Variants in LRRK1 observed in about 807,000 individuals in gnomAD.
LRRK1 encodes leucine rich repeat kinase 1.
In LRRK1, 113 loss-of-function variants were observed where a neutral mutation model predicts 209.1. The observed-to-expected ratio is 0.54, with a 90% CI of 0.46 to 0.63. LRRK1 has a LOEUF of 0.63. LRRK1 is among the 30% of genes least tolerant of loss of function. LRRK1 has a pLI of 0.00. For missense variants in LRRK1, 2,284 were observed against 2,632.2 expected (o/e 0.87, Z 2.89); for synonymous variants, 1,144 against 1,099.7 (o/e 1.04, Z -0.80).
chr15:100,983,061 G>A (rs2031689905), intron 3 of LRRK1, among the ~76,000 whole-genome samples: 1 of 152,200 alleles, frequency 6.6e-6, no homozygotes, highest in Non-Finnish European at 1.5e-5. Flanking sequence ...TGCAGTCCCA[G>A]CTACGCAGGA....
At chr15:101,028,902 T>G (rs2034157679) in intron 19 of LRRK1, 54 bp from the exon 20 acceptor site, 2 of 1,577,602 alleles carry the variant, frequency 1.3e-6, no homozygotes, top group African/African-American at 2.7e-5. Context: ...CACCCCAGAG[T>G]CCCTTTCGCT....
chr15:101,010,424 C>T (rs748526979), intron 7 of LRRK1, 26 bp from the exon 8 acceptor site: 5 of 1,594,078 alleles, frequency 3.1e-6, no homozygotes, highest in South Asian at 2.3e-5. Flanking sequence ...TATTCTGATG[C>T]CTGCCTTCCT....
intron 12 of LRRK1, among the ~76,000 whole-genome samples, chr15:101,019,995 G>C (rs1413743002): frequency 6.6e-6 from 1 of 152,198 alleles, no homozygotes; most frequent in Non-Finnish European, 1.5e-5. Context: ...ATACTAAACA[G>C]TTGGCTGGCT....
At chr15:100,923,364 C>T (rs1309898095) in intron 1 of LRRK1, among the ~76,000 whole-genome samples, 1 of 152,208 alleles carries the variant, frequency 6.6e-6, no homozygotes, top group Non-Finnish European at 1.5e-5. Flanking sequence ...TACAGATTCT[C>T]TTAGGCATTA....
In LRRK1 at chr15:100,968,786, T is replaced by TCCTTCCCCTTCC. The variant is rs527686938; in HGVS notation, c.98-4998_98-4987dup. On this transcript the variant is annotated intron_variant, in intron 2 of 33. Coordinates refer to ENST00000388948, the MANE Select transcript of LRRK1 (RefSeq NM_024652.6). ...CTTCCCTTCCCCTTTCCTTCCCCTTTCCTTCCCCTTCCCCTTCCCCTTCCC... is the reference window on the plus strand; with the variant it reads ...CTTCCCTTCCCCTTTCCTTCCCCTTTCCTTCCCCTTCCCCTTCCCCTTCCCCTTCCCCTTCCC... 2.8e-3 allele frequency among the ~76,000 whole-genome samples: 402 copies of TCCTTCCCCTTCC among 143,796 alleles called. 5 individuals are homozygous for TCCTTCCCCTTCC. Among genetic ancestry groups the TCCTTCCCCTTCC allele is most frequent in the African/African-American group, 8.3e-3 (312 of 37,582 alleles). The allele number at this position is 143,796 out of a possible 152,430, so 94.3% of individuals were successfully genotyped here. A position where few individuals can be genotyped will look rare whatever the true frequency, so the allele number is the denominator to read the frequency against.
In LRRK1 at chr15:101,039,864, G is replaced by C. The variant is rs2034664806; in HGVS notation, c.2964-6117G>C. 2.0e-5 allele frequency among the ~76,000 whole-genome samples: 3 copies of C among 152,104 alleles called. No homozygotes were observed. In the South Asian group the frequency reaches 6.2e-4, roughly 31 times the overall value. Reference sequence around the variant, plus strand: ...AATTTTTTTCTTCAGTTATTTTTCTGTTAAATATGTTGATGGATTTTCAAA... The same window carrying C: ...AATTTTTTTCTTCAGTTATTTTTCTCTTAAATATGTTGATGGATTTTCAAA... On this transcript the variant is annotated intron_variant, in intron 20 of 33. Coordinates refer to ENST00000388948, the MANE Select transcript of LRRK1 (RefSeq NM_024652.6).
chr15:101,046,823 G>A (rs1451667119), intron 21 of LRRK1, among the ~76,000 whole-genome samples: 5 of 152,236 alleles, frequency 3.3e-5, no homozygotes, highest in Non-Finnish European at 7.3e-5. Flanking sequence ...TAGCTTCTGT[G>A]GGTTTACCTG....
Position 101,018,554 on chromosome 15 carries a change from C to T in LRRK1, c.1610-2499C>T, listed in dbSNP as rs370963941. ...AAATGCCGAATCCTTCCTGGGACCA[C>T]GGAGGAGTGTGCAAGGAAGTGGGCT... is the stretch of plus-strand genomic sequence containing the variant. On this transcript the variant is annotated intron_variant, in intron 12 of 33. Coordinates refer to ENST00000388948, the MANE Select transcript of LRRK1 (RefSeq NM_024652.6). Among the ~76,000 whole-genome samples the T allele has an allele frequency of 7.4e-4, 112 of 152,198 alleles. 1 individual carries two copies. Among genetic ancestry groups the T allele is most frequent in the African/African-American group, 1.6e-3 (68 of 41,508 alleles).
intron 2 of LRRK1, among the ~76,000 whole-genome samples, chr15:100,929,681 C>T (rs2042175293): frequency 6.6e-6 from 1 of 152,230 alleles, no homozygotes; most frequent in Non-Finnish European, 1.5e-5. Context: ...CTGACCTGTT[C>T]CTCCTGTTGG....
At chr15:101,049,460 C>T (rs894230752) in intron 22 of LRRK1, 184 bp from the exon 23 acceptor site, 1 of 584,192 alleles carries the variant, frequency 1.7e-6, no homozygotes, top group Non-Finnish European at 2.8e-6. Context: ...AGGCCAGGTC[C>T]GGGGCAAGAA....
Position 101,046,137 on chromosome 15 carries a change from G to T in LRRK1, c.3120G>T (p.Ala1040=). The T allele has an allele frequency of 6.2e-7, 1 of 1,614,208 alleles. No homozygotes were observed. The highest frequency in any genetic ancestry group is 8.5e-7 in the Non-Finnish European group (1 of 1,180,036). ...RFIARMLISL[A]EMDLQLFENK... is the part of the protein sequence containing the mutation. The stretch of plus-strand genomic sequence containing the variant: ...TAGCACGGATGCTGATCAGCCTGGC[G>T]GAGATGGACCTGCAGGTATTATGGC... Residue 1040 remains alanine (A), a synonymous_variant, in exon 21 of 34, where the codon GCG becomes GCT. Coordinates refer to ENST00000388948, the MANE Select transcript of LRRK1 (RefSeq NM_024652.6).
chr15:101,059,752 C>G (rs941603380), intron 29 of LRRK1, among the ~76,000 whole-genome samples: 1 of 152,182 alleles, frequency 6.6e-6, no homozygotes, highest in Admixed American at 6.5e-5. Context: ...AAGGACCAAC[C>G]AAATGCCAAT....
intron 6 of LRRK1, among the ~76,000 whole-genome samples, chr15:100,996,676 C>T (rs2032428398): frequency 6.6e-6 from 1 of 152,154 alleles, no homozygotes; most frequent in Non-Finnish European, 1.5e-5. Flanking sequence ...TCATAGAACT[C>T]GAAAATGGGT....
At chr15:101,068,021 G>A (rs993645218) in intron 33 of LRRK1, among the ~76,000 whole-genome samples, 7 of 152,150 alleles carry the variant, frequency 4.6e-5, no homozygotes, top group African/African-American at 1.7e-4. Flanking sequence ...TCAGTGCCAC[G>A]CAGGCCGCAC....
At chr15:101,020,994 C>G in intron 12 of LRRK1, 59 bp from the exon 13 acceptor site, 1 of 1,601,868 alleles carries the variant, frequency 6.2e-7, no homozygotes, top group Non-Finnish European at 8.5e-7. Flanking sequence ...ACCTGGTCAC[C>G]ACGCTGTGAC....
intron 29 of LRRK1, among the ~76,000 whole-genome samples, chr15:101,059,366 C>CTACT (rs2036019844): frequency 6.6e-6 from 1 of 152,124 alleles, no homozygotes; most frequent in South Asian, 2.1e-4. Context: ...CCACTGCACT[C>CTACT]CAGCCTGGGT....
rs1316299934 is a variant in LRRK1 at position 101,073,548 on chromosome 15, T to C, written c.*4700T>C. ...GCTTTTCTAGAGGAGGAGCAAGTAC[T>C]CCAACCTCATATCTCTGCGCCCCAA... On this transcript the variant is annotated 3_prime_UTR_variant, in exon 34 of 34. Coordinates refer to ENST00000388948, the MANE Select transcript of LRRK1 (RefSeq NM_024652.6). The C allele has an allele frequency of 6.6e-6, 1 of 151,704 alleles. No homozygotes were observed. Among genetic ancestry groups the C allele is most frequent in the Admixed American group, 6.6e-5 (1 of 15,206 alleles). 9.4% of individuals were successfully genotyped at this position (151,704 alleles called of 1,614,324 possible).
At chr15:101,029,548 GGCTTGATT>G (rs1411692953) in intron 20 of LRRK1, among the ~76,000 whole-genome samples, 1 of 146,424 alleles carries the variant, frequency 6.8e-6, no homozygotes, top group African/African-American at 2.8e-5. Flanking sequence ...ACTTTACAGG[GGCTTGATT>G]GCTTGATTAT....
At chr15:101,048,389 G>A in intron 21 of LRRK1, 105 bp from the exon 22 acceptor site, 1 of 969,172 alleles carries the variant, frequency 1.0e-6, no homozygotes, top group Non-Finnish European at 1.5e-6. Flanking sequence ...GGGAAAGATG[G>A]GGGACATTTA....
Sources: gnomAD v4.1 joint callset for allele counts (sites outside exome capture counted in the v4.1 genomes callset) on GRCh38, gnomAD v4.1.1 for gene constraint, MANE v1.5 for transcripts, NCBI Gene and HGNC (gene_info 2026-07-23, HGNC 2026-07-21) for gene names.